Variants in COP1 observed in about 807,000 individuals in gnomAD.
COP1 encodes E3 ubiquitin-protein ligase COP1.
Under a neutral mutation model 101.3 loss-of-function variants are expected in COP1, and 24 were observed. The observed-to-expected ratio is 0.24, with a 90% CI of 0.17 to 0.33. The LOEUF (loss-of-function observed/expected upper bound fraction) is 0.33. COP1 is among the 10% of genes least tolerant of loss of function. The probability of loss-of-function intolerance (pLI) is 1.00; values close to 1 mark genes in which losing one functional copy is unlikely to be tolerated. For synonymous variants in COP1, 347 were observed against 341.9 expected (o/e 1.01, Z -0.17); for missense variants, 663 against 906.2 (o/e 0.73, Z 3.45).
intron 8 of COP1, among the ~76,000 whole-genome samples, chr1:176,122,139 CAAA>C (rs34899450): frequency 2.6e-5 from 3 of 114,996 alleles, no homozygotes; most frequent in Admixed American, 9.4e-5. Context: ...GACTGCATCT[CAAA>C]AAAAAAAAAA....
chr1:176,145,389 A>C (rs1054198478), intron 6 of COP1, among the ~76,000 whole-genome samples: 3 of 151,238 alleles, frequency 2.0e-5, no homozygotes. Flanking sequence ...ATGCTCATAC[A>C]ATGCCTATGC....
At chr1:176,008,308 G>A (rs575933237) in intron 15 of COP1, among the ~76,000 whole-genome samples, 253 of 152,284 alleles carry the variant, frequency 1.7e-3, no homozygotes, top group African/African-American at 5.7e-3. Context: ...CATCTTCTGC[G>A]TTGCTCATGC....
chr1:176,036,022 A>T (rs1002555770), intron 14 of COP1, among the ~76,000 whole-genome samples: 15 of 152,236 alleles, frequency 9.9e-5, no homozygotes, highest in African/African-American at 3.4e-4. Flanking sequence ...GATGAACAAG[A>T]GAATAACAAG....
intron 18 of COP1, among the ~76,000 whole-genome samples, chr1:175,965,133 A>G (rs1014012563): frequency 6.6e-6 from 1 of 152,004 alleles, no homozygotes. Context: ...TACTATTTGT[A>G]CTGCAATTGC....
At chr1:175,995,389 T>C (rs1052566774) in intron 15 of COP1, among the ~76,000 whole-genome samples, 5 of 151,754 alleles carry the variant, frequency 3.3e-5, no homozygotes, top group Admixed American at 3.3e-4. Context: ...AAAAAATAAT[T>C]AAAATCAGAG....
At chr1:176,112,391 C>T (rs1429916614) in intron 9 of COP1, among the ~76,000 whole-genome samples, 5 of 151,836 alleles carry the variant, frequency 3.3e-5, no homozygotes, top group Non-Finnish European at 5.9e-5. Flanking sequence ...TATACATGTG[C>T]CATGTTGGTG....
intron 1 of COP1, among the ~76,000 whole-genome samples, chr1:176,185,362 A>G (rs938512920): frequency 3.3e-5 from 5 of 152,182 alleles, no homozygotes; most frequent in African/African-American, 1.2e-4. Flanking sequence ...ATTCAAATTC[A>G]GGTCTACGTT....
chr1:176,006,273 G>A (rs1021641264), intron 15 of COP1, among the ~76,000 whole-genome samples: 1 of 152,124 alleles, frequency 6.6e-6, no homozygotes, highest in African/African-American at 2.4e-5. Context: ...CCTGAATACA[G>A]CACACTGATG....
chr1:176,073,800 T>C (rs1430732936), intron 11 of COP1, among the ~76,000 whole-genome samples: 1 of 152,236 alleles, frequency 6.6e-6, no homozygotes, highest in African/African-American at 2.4e-5. Context: ...CGTTTCTGGT[T>C]CGGCCTTTTC....
intron 18 of COP1, among the ~76,000 whole-genome samples, chr1:175,951,979 C>A (rs1361911307): frequency 6.6e-6 from 1 of 152,170 alleles, no homozygotes; most frequent in Non-Finnish European, 1.5e-5. Flanking sequence ...CACATCAAGG[C>A]ACACCACAGT....
At chr1:176,071,336 T>C (rs1676970606) in intron 11 of COP1, among the ~76,000 whole-genome samples, 2 of 152,296 alleles carry the variant, frequency 1.3e-5, no homozygotes, top group South Asian at 4.1e-4. Flanking sequence ...CAGCACCATG[T>C]TTCCTGCAAA....
chr1:176,136,235 C>T (rs1306390439), intron 7 of COP1, among the ~76,000 whole-genome samples: 6 of 151,828 alleles, frequency 4.0e-5, no homozygotes, highest in Admixed American at 3.9e-4. Context: ...GAAAACTGAG[C>T]GATTTTTTTT....
chr1:176,050,709 C>T (rs1340765274), intron 11 of COP1, among the ~76,000 whole-genome samples: 1 of 152,194 alleles, frequency 6.6e-6, no homozygotes, highest in Non-Finnish European at 1.5e-5. Context: ...CTACTTGAAA[C>T]TTCCATAACA....
At chr1:176,187,299 T>G (rs993965576) in intron 1 of COP1, among the ~76,000 whole-genome samples, 1 of 152,056 alleles carries the variant, frequency 6.6e-6, no homozygotes, top group East Asian at 1.9e-4. Flanking sequence ...CTCATATATA[T>G]ATACATACAC....
intron 15 of COP1, among the ~76,000 whole-genome samples, chr1:175,993,452 C>T (rs1450627551): frequency 1.3e-5 from 2 of 152,116 alleles, no homozygotes; most frequent in Non-Finnish European, 1.5e-5. Context: ...CTCTGAGCTA[C>T]AGGAGGAAAC....
At chr1:176,143,938 C>T (rs1691158172) in intron 6 of COP1, among the ~76,000 whole-genome samples, 1 of 150,960 alleles carries the variant, frequency 6.6e-6, no homozygotes, top group Non-Finnish European at 1.5e-5. Flanking sequence ...TCTTAGCAAA[C>T]TGGGTAAAAA....
chr1:175,970,223 G>A (rs904074047), intron 18 of COP1, among the ~76,000 whole-genome samples: 1 of 152,134 alleles, frequency 6.6e-6, no homozygotes, highest in Non-Finnish European at 1.5e-5. Context: ...ATAGCTGTGA[G>A]AAACCAGAAA....
chr1:176,047,144 T>C (rs962127470), intron 11 of COP1, among the ~76,000 whole-genome samples: 5 of 152,178 alleles, frequency 3.3e-5, no homozygotes, highest in Non-Finnish European at 5.9e-5. Flanking sequence ...GTAGTAAAAG[T>C]TGAAATGAAT....
At chr1:176,004,058 G>A (rs1162449096) in intron 15 of COP1, among the ~76,000 whole-genome samples, 1 of 146,400 alleles carries the variant, frequency 6.8e-6, no homozygotes, top group Non-Finnish European at 1.5e-5. Flanking sequence ...CCTTGAAGAG[G>A]TCCTTCACAT....
Sources: allele counts gnomAD v4.1 joint callset (sites outside exome capture counted in the v4.1 genomes callset), GRCh38; gene constraint gnomAD v4.1.1; transcripts MANE v1.5; gene names NCBI Gene and HGNC (gene_info 2026-07-23, HGNC 2026-07-21).